TXLNG: variants seen among roughly 807,000 people sequenced by gnomAD.
The protein encoded by TXLNG is taxilin gamma.
TXLNG carries 5 observed loss-of-function variants against 38.8 expected under a neutral mutation model. That is an observed-to-expected ratio of 0.13 (90% CI 0.07 to 0.27). TXLNG has a LOEUF of 0.27. TXLNG is among the 10% of genes least tolerant of loss of function. The probability of loss-of-function intolerance (pLI) is 1.00; values close to 1 mark genes in which losing one functional copy is unlikely to be tolerated. For missense variants in TXLNG, 393 were observed against 398.2 expected (o/e 0.99, Z 0.11); for synonymous variants, 182 against 158.2 (o/e 1.15, Z -1.13).
At chrX:16,811,874 T>C (rs1253438162) in intron 1 of TXLNG, among the ~76,000 whole-genome samples, 1 of 109,444 alleles carries the variant, frequency 9.1e-6, no homozygotes, top group Non-Finnish European at 1.9e-5. Context: ...TCTCTTGACC[T>C]CGTCATCTGC....
intron 6 of TXLNG, among the ~76,000 whole-genome samples, chrX:16,833,648 T>A (rs767894479): frequency 9.0e-6 from 1 of 111,565 alleles, no homozygotes; most frequent in South Asian, 3.7e-4. Context: ...CACACACTCA[T>A]ATTCATTACA....
chrX:16,840,021 G>C (rs1411580607), intron 9 of TXLNG, 105 bp downstream of exon 9: 1 of 591,623 alleles, frequency 1.7e-6, no homozygotes, highest in Admixed American at 3.6e-5. Flanking sequence ...TACTACCATA[G>C]TTGAGGACTC....
chrX:16,818,050 A>G (rs1928807423), intron 1 of TXLNG, among the ~76,000 whole-genome samples: 1 of 111,283 alleles, frequency 9.0e-6, no homozygotes, highest in African/African-American at 3.3e-5. Context: ...TCCTATGCCC[A>G]CATTCAGTTG....
At chrX:16,831,542 T>TC (rs1929413038) in intron 5 of TXLNG, among the ~76,000 whole-genome samples, 3 of 112,053 alleles carry the variant, frequency 2.7e-5, no homozygotes, top group African/African-American at 9.7e-5. Flanking sequence ...AAATATAGGT[T>TC]CCCCCCCTTT....
intron 1 of TXLNG, among the ~76,000 whole-genome samples, chrX:16,791,433 T>C (rs1180405832): frequency 8.9e-6 from 1 of 112,113 alleles, no homozygotes; most frequent in African/African-American, 3.2e-5. Context: ...CAAGCTTTGG[T>C]AAATTTATTT....
At chrX:16,837,414 A>G (rs1929633140) in intron 7 of TXLNG, among the ~76,000 whole-genome samples, 179 bp from the exon 8 acceptor site, 1 of 112,064 alleles carries the variant, frequency 8.9e-6, no homozygotes, top group South Asian at 3.7e-4. Flanking sequence ...CTCAGTTTTA[A>G]TGCATTTCTG....
intron 2 of TXLNG, 91 bp downstream of exon 2, chrX:16,818,968 T>C (rs1928842913): frequency 2.1e-6 from 2 of 960,259 alleles, no homozygotes; most frequent in South Asian, 5.1e-5. Context: ...ACAGCCACTT[T>C]AGAGGTGCTT....
chrX:16,838,929 C>T (rs1305257273), intron 8 of TXLNG, among the ~76,000 whole-genome samples: 1 of 111,791 alleles, frequency 8.9e-6, no homozygotes, highest in African/African-American at 3.3e-5. Context: ...GCCTTTGTCC[C>T]GGTTTGCCTT....
intron 1 of TXLNG, among the ~76,000 whole-genome samples, chrX:16,813,772 G>A (rs1928626476): frequency 9.1e-6 from 1 of 110,423 alleles, no homozygotes; most frequent in Admixed American, 9.8e-5. Context: ...AAAAATGAAT[G>A]CATTAATGTT....
At chrX:16,806,702 G>A (rs776271716) in intron 1 of TXLNG, among the ~76,000 whole-genome samples, 1 of 110,595 alleles carries the variant, frequency 9.0e-6, no homozygotes, top group East Asian at 2.9e-4. Flanking sequence ...TGGATCATGA[G>A]GTCAGGAGAT....
At chrX:16,807,397 CAG>C (rs1402274094) in intron 1 of TXLNG, among the ~76,000 whole-genome samples, 4 of 111,959 alleles carry the variant, frequency 3.6e-5, no homozygotes, top group East Asian at 5.6e-4. Context: ...GTGAGGGAAA[CAG>C]TGTAATAGAG....
At chrX:16,793,809 C>G (rs1228893020) in intron 1 of TXLNG, among the ~76,000 whole-genome samples, 1 of 109,447 alleles carries the variant, frequency 9.1e-6, no homozygotes, top group Non-Finnish European at 1.9e-5. Context: ...CCATGTCTGG[C>G]TGTTTTTTTT....
At position 16,839,841 on chromosome X, in the gene TXLNG, A is replaced by G. The variant is rs767559386; in HGVS notation, c.1173A>G (p.Lys391=). 8.3e-7 allele frequency: 1 copy of G among 1,197,855 alleles called. No homozygotes were observed. The highest frequency in any genetic ancestry group is 1.1e-6 in the Non-Finnish European group (1 of 887,860). ...CACAGATGACAAAGAAAATTAAAAA[A>G]CTGGAAAAAGAAACAATAATTTGGC... The part of the protein sequence containing the change: ...EMEKMTKKIK[K]LEKETIIWRT... The change falls in exon 9 of 10, where the codon AAA becomes AAG. Residue 391 remains lysine, a synonymous_variant. Transcript: ENST00000380122.
intron 1 of TXLNG, among the ~76,000 whole-genome samples, chrX:16,794,336 G>C (rs1050134600): frequency 8.9e-6 from 1 of 111,767 alleles, no homozygotes; most frequent in African/African-American, 3.3e-5. Flanking sequence ...GATGATTAGG[G>C]GATATCGAAA....
intron 1 of TXLNG, among the ~76,000 whole-genome samples, chrX:16,804,069 A>G (rs1034240811): frequency 3.6e-5 from 4 of 112,447 alleles, no homozygotes; most frequent in Non-Finnish European, 5.6e-5. Context: ...CTTCATTTCC[A>G]ACTTCTAGGT....
At position 16,841,808 on chromosome X, in the gene TXLNG, T is replaced by TC. The variant is rs1407192886; in HGVS notation, c.*42_*43insC. 8.8e-7 allele frequency: 1 copy of TC among 1,131,278 alleles called. No homozygotes were observed. The highest frequency in any genetic ancestry group is 1.2e-6 in the Non-Finnish European group (1 of 845,149). 93.2% of individuals were successfully genotyped at this position (1,131,278 alleles called of 1,213,427 possible). On this transcript the variant is annotated 3_prime_UTR_variant, in exon 10 of 10. Coordinates refer to ENST00000380122, the MANE Select transcript of TXLNG (RefSeq NM_018360.3). ...TGTATTGAGAGATATATTTTGTGTA[T>TC]AACTTTCTCTGTTAGTAGTTAACTA...
chrX:16,789,767 A>ACC (rs955672312), intron 1 of TXLNG, among the ~76,000 whole-genome samples: 1 of 106,922 alleles, frequency 9.4e-6, no homozygotes, highest in African/African-American at 3.4e-5. Flanking sequence ...GTTTCCATAT[A>ACC]CCCCCTCACA....
At chrX:16,795,937 C>T (rs919684746) in intron 1 of TXLNG, among the ~76,000 whole-genome samples, 2 of 108,657 alleles carry the variant, frequency 1.8e-5, no homozygotes, top group African/African-American at 3.4e-5. Context: ...CTCAGTCTCC[C>T]GAGTAGCTGG....
chrX:16,806,610 C>T (rs1190039324), intron 1 of TXLNG, among the ~76,000 whole-genome samples: 3 of 110,157 alleles, frequency 2.7e-5, no homozygotes, highest in East Asian at 2.9e-4. Context: ...GGCAAAACCC[C>T]GTCTCTACTA....
Sources: allele counts gnomAD v4.1 joint callset (sites outside exome capture counted in the v4.1 genomes callset), GRCh38; gene constraint gnomAD v4.1.1; transcripts MANE v1.5; gene names NCBI Gene and HGNC (gene_info 2026-07-23, HGNC 2026-07-21).